INPP4B: variants seen among roughly 807,000 people sequenced by gnomAD.
INPP4B encodes inositol polyphosphate 4-phosphatase type II.
A neutral mutation model predicts 122.5 loss-of-function variants in INPP4B; 55 were observed. The observed-to-expected ratio is 0.45, with a 90% CI of 0.36 to 0.56. The LOEUF (loss-of-function observed/expected upper bound fraction) is 0.56. Among genes scored for constraint, INPP4B ranks in the 20% least tolerant of loss-of-function variants. The pLI, the probability that INPP4B is intolerant of heterozygous loss-of-function variation, is 0.00. For missense variants in INPP4B, 1,000 were observed against 1,097.7 expected, an observed-to-expected ratio of 0.91 and a Z score of 1.26; for synonymous variants, 403 against 388.7, an observed-to-expected ratio of 1.04 and a Z score of -0.43.
At chr4:142,558,949 C>T (rs1729866418) in intron 2 of INPP4B, among the ~76,000 whole-genome samples, 1 of 152,044 alleles carries the variant, frequency 6.6e-6, no homozygotes, top group African/African-American at 2.4e-5. Flanking sequence ...CCTTCTGTCT[C>T]AGCTCATTAA....
chr4:142,542,678 T>G (rs72726425), intron 2 of INPP4B, among the ~76,000 whole-genome samples: 7,442 of 152,300 alleles, frequency 0.049, 219 homozygotes, highest in African/African-American at 0.054. Context: ...CCAGAGCCAT[T>G]GCTCTTTGAC....
chr4:142,293,037 A>C lies in INPP4B; in HGVS notation c.503+12421T>G, dbSNP rs1579625381. Among the ~76,000 whole-genome samples, 2 of 109,864 alleles carry C rather than the reference A, an allele frequency of 1.8e-5. 1 individual carries two copies. Among genetic ancestry groups the C allele is most frequent in the Non-Finnish European group, 3.8e-5 (2 of 53,302 alleles). The allele number at this position is 109,864 out of a possible 152,430, so 72.1% of individuals were successfully genotyped here. On this transcript the variant is annotated intron_variant, in intron 9 of 25. Coordinates refer to ENST00000262992, the MANE Select transcript of INPP4B (RefSeq NM_001101669.3). Reference sequence around the variant, plus strand: ...AAAAAGGTAATTACCTAATTTTTATACCCTTTTTTTTTTTTTTTAAGACAG... The same window carrying C: ...AAAAAGGTAATTACCTAATTTTTATCCCCTTTTTTTTTTTTTTTAAGACAG...
intron 23 of INPP4B, among the ~76,000 whole-genome samples, chr4:142,091,942 C>T (rs10461275): frequency 0.25 from 38,276 of 152,122 alleles, 4,878 homozygotes; most frequent in East Asian, 0.3. Flanking sequence ...ACTTCCCACA[C>T]TAAGTGGCAG....
chr4:142,387,204 T>C (rs971946167), intron 7 of INPP4B, among the ~76,000 whole-genome samples: 3 of 152,158 alleles, frequency 2.0e-5, no homozygotes, highest in Non-Finnish European at 4.4e-5. Context: ...AATTTGTCCA[T>C]TAAAAATTCG....
rs571767157 is a variant in INPP4B, at chr4:142,129,502, A to G, written c.1721-4742T>C. On this transcript the variant is annotated intron_variant, in intron 18 of 25. Coordinates refer to ENST00000262992, the MANE Select transcript of INPP4B (RefSeq NM_001101669.3). The stretch of plus-strand genomic sequence containing the variant: ...ACACTTTATAGGTAAATTCCTTTGT[A>G]TGGGCATAATACACGTCGCCAACTT... 7.2e-5 allele frequency among the ~76,000 whole-genome samples: 11 copies of G among 152,340 alleles called. No homozygotes were observed. The South Asian group carries it at 2.3e-3, about 32-fold the overall frequency.
intron 9 of INPP4B, among the ~76,000 whole-genome samples, chr4:142,285,995 A>G (rs1753476640): frequency 6.6e-6 from 1 of 152,194 alleles, no homozygotes; most frequent in Non-Finnish European, 1.5e-5. Flanking sequence ...TCTGGTAATT[A>G]TTTTAGAGGT....
At chr4:142,205,706 A>G (rs1842332163) in intron 14 of INPP4B, among the ~76,000 whole-genome samples, 1 of 152,184 alleles carries the variant, frequency 6.6e-6, no homozygotes, top group Non-Finnish European at 1.5e-5. Context: ...TAGTGCTACA[A>G]TTCAAGCCCA....
At chr4:142,832,287 T>C (rs1472912081) in intron 1 of INPP4B, among the ~76,000 whole-genome samples, 1 of 152,104 alleles carries the variant, frequency 6.6e-6, no homozygotes, top group African/African-American at 2.4e-5. Flanking sequence ...CCAACTATAA[T>C]GTGTTTTAGA....
Position 142,057,644 on chromosome 4 carries a change from C to G in INPP4B, c.2642+24387G>C, listed in dbSNP as rs1050468100. Among the ~76,000 whole-genome samples, 20 of 152,036 alleles carry G rather than the reference C, an allele frequency of 1.3e-4. 1 individual carries two copies. The highest frequency in any genetic ancestry group is 4.8e-4 in the African/African-American group (20 of 41,400). On this transcript the variant is annotated intron_variant, in intron 25 of 25. Transcript: ENST00000262992. ...ATGGATATTCTCACATATTCACAGG[C>G]AAACAATGAAGGCACAAAATCCAGA...
chr4:142,669,637 T>C (rs558574310), intron 2 of INPP4B, among the ~76,000 whole-genome samples: 1 of 152,314 alleles, frequency 6.6e-6, no homozygotes, highest in South Asian at 2.1e-4. Flanking sequence ...CCTTTCTCTC[T>C]CATCATAAAC....
intron 2 of INPP4B, among the ~76,000 whole-genome samples, chr4:142,632,227 A>C (rs896326034): frequency 1.3e-5 from 2 of 152,154 alleles, no homozygotes; most frequent in African/African-American, 4.8e-5. Flanking sequence ...CTTTGTTTTC[A>C]CATACACAAT....
intron 11 of INPP4B, among the ~76,000 whole-genome samples, chr4:142,257,251 A>C (rs1736731213): frequency 5.3e-5 from 8 of 152,248 alleles, no homozygotes; most frequent in Admixed American, 5.2e-4. Context: ...CCAATATCAT[A>C]CTGAATGGGC....
At chr4:142,168,123 A>T (rs1382682415) in intron 16 of INPP4B, among the ~76,000 whole-genome samples, 1 of 151,234 alleles carries the variant, frequency 6.6e-6, no homozygotes, top group Non-Finnish European at 1.5e-5. Flanking sequence ...ACAATGTTCT[A>T]TCTCTGTTTT....
At chr4:142,684,382 G>T (rs969524342) in intron 2 of INPP4B, among the ~76,000 whole-genome samples, 2 of 152,014 alleles carry the variant, frequency 1.3e-5, no homozygotes, top group African/African-American at 4.8e-5. Flanking sequence ...CATAGAATTT[G>T]TCCAAGAGCA....
intron 11 of INPP4B, among the ~76,000 whole-genome samples, chr4:142,249,098 A>C (rs905573404): frequency 6.6e-6 from 1 of 152,116 alleles, no homozygotes; most frequent in Non-Finnish European, 1.5e-5. Context: ...AGTTCTCCAC[A>C]TAGGAGGGCA....
At chr4:142,757,277 C>T (rs1001407616) in intron 1 of INPP4B, among the ~76,000 whole-genome samples, 1 of 152,068 alleles carries the variant, frequency 6.6e-6, no homozygotes, top group Non-Finnish European at 1.5e-5. Context: ...TGGATATCTA[C>T]AATGACACAT....
At chr4:142,676,198 C>T (rs11975809) in intron 2 of INPP4B, among the ~76,000 whole-genome samples, 1 of 152,122 alleles carries the variant, frequency 6.6e-6, no homozygotes, top group Middle Eastern at 3.4e-3. Context: ...TTCCTATACA[C>T]CAAAAACAGA....
chr4:142,360,951 G>GTAT lies in INPP4B; in HGVS notation c.372+41984_372+41986dup, dbSNP rs554060317. ...TACATATCTATATACATGTTATTTT[G>GTAT]TATTGTTTGTGTGCATGTGCTATTG... On this transcript the variant is annotated intron_variant, in intron 7 of 25. Transcript: ENST00000262992. 6.3e-3 allele frequency among the ~76,000 whole-genome samples: 951 copies of GTAT among 151,956 alleles called. 12 individuals are homozygous for GTAT. Among genetic ancestry groups the GTAT allele is most frequent in the African/African-American group, 0.021 (866 of 41,492 alleles).
At chr4:142,398,446 A>AT (rs1491285553) in intron 7 of INPP4B, among the ~76,000 whole-genome samples, 2 of 103,310 alleles carry the variant, frequency 1.9e-5, no homozygotes, top group Non-Finnish European at 4.1e-5. Context: ...ATATATATAT[A>AT]AAACATATTA....
Sources: allele counts gnomAD v4.1 joint callset (sites outside exome capture counted in the v4.1 genomes callset), GRCh38; gene constraint gnomAD v4.1.1; transcripts MANE v1.5; gene names NCBI Gene and HGNC (gene_info 2026-07-23, HGNC 2026-07-21).